Variants in MACROD2 observed in about 807,000 individuals in gnomAD.
MACROD2 encodes ADP-ribose glycohydrolase MACROD2.
Under a neutral mutation model 70.4 loss-of-function variants are expected in MACROD2, and 36 were observed. That is an observed-to-expected ratio of 0.51 (90% CI 0.39 to 0.68). The LOEUF (loss-of-function observed/expected upper bound fraction) is 0.68, where lower values mean the gene tolerates loss of function less well. Ranked by LOEUF, MACROD2 falls within the 30% of genes least tolerant of loss-of-function variation. The pLI, the probability that MACROD2 is intolerant of heterozygous loss-of-function variation, is 0.00. For missense variants in MACROD2, 496 were observed against 538.4 expected (o/e 0.92, Z 0.78); for synonymous variants, 172 against 178.8 (o/e 0.96, Z 0.30).
chr20:14,112,669 T>G (rs2054466765), intron 3 of MACROD2, among the ~76,000 whole-genome samples: 2 of 151,992 alleles, frequency 1.3e-5, no homozygotes, highest in South Asian at 4.1e-4. Flanking sequence ...CCTTTGTAGA[T>G]TCTAAAAAAT....
At chr20:15,026,690 C>G (rs1256154434) in intron 5 of MACROD2, among the ~76,000 whole-genome samples, 1 of 151,866 alleles carries the variant, frequency 6.6e-6, no homozygotes, top group Non-Finnish European at 1.5e-5. Flanking sequence ...TCTAAATACA[C>G]CCAGGGAACT....
At chr20:15,477,386 T>C (rs913675379) in intron 7 of MACROD2, among the ~76,000 whole-genome samples, 1 of 152,206 alleles carries the variant, frequency 6.6e-6, no homozygotes, top group Admixed American at 6.5e-5. Context: ...GCCTGGTGTA[T>C]TATTTTTTAA....
chr20:14,223,749 C>G (rs2081704497), intron 3 of MACROD2, among the ~76,000 whole-genome samples: 2 of 152,160 alleles, frequency 1.3e-5, no homozygotes, highest in Admixed American at 1.3e-4. Context: ...CTGCCTGCCT[C>G]AGCCTCCCAA....
At chr20:14,273,700 T>C (rs373945055) in intron 3 of MACROD2, among the ~76,000 whole-genome samples, 5 of 151,834 alleles carry the variant, frequency 3.3e-5, no homozygotes, top group South Asian at 4.2e-4. Context: ...ATTAATGAAT[T>C]CAGGAGCTGG....
intron 3 of MACROD2, among the ~76,000 whole-genome samples, chr20:14,203,452 G>T (rs1160543510): frequency 6.6e-6 from 1 of 151,634 alleles, no homozygotes; most frequent in Admixed American, 6.6e-5. Context: ...ATGTTTTCTT[G>T]CTTTTTTGTG....
intron 5 of MACROD2, among the ~76,000 whole-genome samples, chr20:14,724,851 G>A (rs1372221581): frequency 1.3e-5 from 2 of 152,208 alleles, no homozygotes; most frequent in Non-Finnish European, 2.9e-5. Context: ...GGAAGGTTGT[G>A]AGGAGGAAGC....
At chr20:14,586,567 C>G (rs1383501624) in intron 4 of MACROD2, among the ~76,000 whole-genome samples, 1 of 152,046 alleles carries the variant, frequency 6.6e-6, no homozygotes, top group Non-Finnish European at 1.5e-5. Context: ...CTGGCTTTCT[C>G]TGTAGTTAAC....
intron 5 of MACROD2, among the ~76,000 whole-genome samples, chr20:14,740,222 A>T (rs2071716995): frequency 6.6e-6 from 1 of 152,176 alleles, no homozygotes. Context: ...TCTTAAAATC[A>T]CACAAGGTAG....
intron 3 of MACROD2, among the ~76,000 whole-genome samples, chr20:14,162,289 G>A (rs573960221): frequency 1.3e-5 from 2 of 152,272 alleles, no homozygotes; most frequent in African/African-American, 4.8e-5. Flanking sequence ...GTGTCCTAAT[G>A]TATAGTGTAT....
intron 4 of MACROD2, among the ~76,000 whole-genome samples, chr20:14,606,289 G>A (rs1568695326): frequency 6.6e-6 from 1 of 152,132 alleles, no homozygotes; most frequent in African/African-American, 2.4e-5. Flanking sequence ...TTAGCAAGTA[G>A]TTTAACTTCC....
intron 6 of MACROD2, among the ~76,000 whole-genome samples, chr20:15,384,964 G>T (rs1450301139): frequency 6.6e-6 from 1 of 152,136 alleles, no homozygotes; most frequent in African/African-American, 2.4e-5. Flanking sequence ...ATGAAGGTGT[G>T]ATAATATCAC....
At chr20:14,119,171 T>TC (rs2054551132) in intron 3 of MACROD2, among the ~76,000 whole-genome samples, 1 of 137,742 alleles carries the variant, frequency 7.3e-6, no homozygotes, top group Non-Finnish European at 1.6e-5. Flanking sequence ...TTTTTTTTTT[T>TC]TTTTTTTTTT....
At chr20:15,125,420 A>G (rs1434713812) in intron 5 of MACROD2, among the ~76,000 whole-genome samples, 1 of 152,134 alleles carries the variant, frequency 6.6e-6, no homozygotes, top group Non-Finnish European at 1.5e-5. Context: ...TGAAGATTTT[A>G]TGTGATTAGA....
intron 3 of MACROD2, among the ~76,000 whole-genome samples, chr20:14,138,006 C>G (rs1255671003): frequency 6.6e-6 from 1 of 152,108 alleles, no homozygotes; most frequent in Non-Finnish European, 1.5e-5. Context: ...AGTTATATTA[C>G]AAGGTGCTCA....
chr20:15,805,012 C>G (rs187452806), intron 8 of MACROD2, among the ~76,000 whole-genome samples: 63 of 152,306 alleles, frequency 4.1e-4, no homozygotes, highest in Middle Eastern at 3.4e-3. Flanking sequence ...ACAGTGGTTA[C>G]GTGCTGAACA....
chr20:15,787,477 T>C (rs1017444308), intron 8 of MACROD2, among the ~76,000 whole-genome samples: 1 of 152,046 alleles, frequency 6.6e-6, no homozygotes, highest in African/African-American at 2.4e-5. Flanking sequence ...CATCCCCCAG[T>C]AGGAGTCCCC....
intron 3 of MACROD2, among the ~76,000 whole-genome samples, chr20:14,342,356 T>C (rs2083022197): frequency 6.6e-6 from 1 of 152,250 alleles, no homozygotes; most frequent in African/African-American, 2.4e-5. Context: ...TTGTCTTTTT[T>C]TTCTTAAGCC....
At chr20:14,652,722 A>G (rs139983153) in intron 4 of MACROD2, among the ~76,000 whole-genome samples, 3 of 152,176 alleles carry the variant, frequency 2.0e-5, no homozygotes, top group Non-Finnish European at 2.9e-5. Flanking sequence ...TTATCTAAAT[A>G]TATAATTAAG....
chr20:15,953,994 C>G lies in MACROD2; in HGVS notation c.908-13559C>G, dbSNP rs115417682. ...TTTTTGATCTTGGAGTTCACACATGCATGTGTTAAACAGATAGCTGGCTTT... is the reference window on the plus strand; with the variant it reads ...TTTTTGATCTTGGAGTTCACACATGGATGTGTTAAACAGATAGCTGGCTTT... On this transcript the variant is annotated intron_variant, in intron 12 of 17. Transcript: ENST00000684519. Among the ~76,000 whole-genome samples the G allele has an allele frequency of 4.5e-3, 690 of 152,220 alleles. 5 individuals are homozygous for G. Among genetic ancestry groups the G allele is most frequent in the African/African-American group, 0.016 (658 of 41,542 alleles).
Sources: allele counts gnomAD v4.1 joint callset (sites outside exome capture counted in the v4.1 genomes callset), GRCh38; gene constraint gnomAD v4.1.1; transcripts MANE v1.5; gene names NCBI Gene and HGNC (gene_info 2026-07-23, HGNC 2026-07-21).